The following PSMD14 variants were observed in gnomAD, a reference collection of about 807,000 sequenced individuals.
The protein encoded by PSMD14 is ubiquitin C-terminal hydrolase PSMD14.
PSMD14 carries 7 observed loss-of-function variants against 41.2 expected under a neutral mutation model. The ratio of observed to expected loss-of-function variants is 0.17; its 90% confidence interval spans 0.10 to 0.32. The LOEUF (loss-of-function observed/expected upper bound fraction) is 0.32, where lower values mean the gene tolerates loss of function less well. Ranked by LOEUF, PSMD14 falls within the 10% of genes least tolerant of loss-of-function variation. The pLI is 1.00. For missense variants in PSMD14, 139 were observed against 375.6 expected (o/e 0.37, Z 5.21); for synonymous variants, 114 against 122.3 (o/e 0.93, Z 0.45).
intron 3 of PSMD14, among the ~76,000 whole-genome samples, chr2:161,344,737 A>T (rs1313280254): frequency 6.6e-6 from 1 of 152,232 alleles, no homozygotes; most frequent in African/African-American, 2.4e-5. Context: ...CATTTAAAAA[A>T]TTAAGTTATT....
At chr2:161,332,903 T>A (rs1682816116) in intron 3 of PSMD14, among the ~76,000 whole-genome samples, 1 of 152,218 alleles carries the variant, frequency 6.6e-6, no homozygotes, top group South Asian at 2.1e-4. Flanking sequence ...TTATGGGCCA[T>A]GGAGCTGGCA....
intron 3 of PSMD14, among the ~76,000 whole-genome samples, chr2:161,354,844 A>G (rs1047128081): frequency 3.9e-5 from 6 of 152,058 alleles, no homozygotes; most frequent in African/African-American, 1.4e-4. Flanking sequence ...TAATGGTGTC[A>G]TTTCCCCCTC....
chr2:161,386,835 C>A (rs1325844106), intron 8 of PSMD14, among the ~76,000 whole-genome samples: 1 of 151,924 alleles, frequency 6.6e-6, no homozygotes, highest in Non-Finnish European at 1.5e-5. Flanking sequence ...TTACTAATTG[C>A]AAGTCACTCA....
At chr2:161,318,059 A>G (rs1689164338) in intron 2 of PSMD14, among the ~76,000 whole-genome samples, 1 of 152,170 alleles carries the variant, frequency 6.6e-6, no homozygotes, top group Non-Finnish European at 1.5e-5. Flanking sequence ...TAGTTACTCT[A>G]AACGTTAAAA....
chr2:161,330,595 G>T (rs1441337638), intron 3 of PSMD14, among the ~76,000 whole-genome samples: 1 of 152,060 alleles, frequency 6.6e-6, no homozygotes, highest in African/African-American at 2.4e-5. Flanking sequence ...ACCCAAGCAG[G>T]TAGGACTGAT....
chr2:161,395,115 G>A lies in PSMD14; in HGVS notation c.683G>A (p.Gly228Asp). The change falls in exon 10 of 12, where the codon GGT (glycine) becomes GAT (aspartate). Residue 228 changes from glycine (G) to aspartate (D), a missense_variant. Physicochemically the swap from Gly to Asp is moderately conservative, Grantham distance 94 (BLOSUM62 -1). Coordinates refer to ENST00000409682, the MANE Select transcript of PSMD14 (RefSeq NM_005805.6). ...TTGCATAAGAAGAGTTGGATGGAAGGTTTGACACTTCAGGACTACAGTGAA... is the reference window on the plus strand; with the variant it reads ...TTGCATAAGAAGAGTTGGATGGAAGATTTGACACTTCAGGACTACAGTGAA... Reference protein sequence around the residue: ...LNLHKKSWMEGLTLQDYSEHC... With the variant: ...LNLHKKSWMEDLTLQDYSEHC... 1 of 1,596,840 alleles carries A rather than the reference G, an allele frequency of 6.3e-7. No homozygotes were observed. Among genetic ancestry groups the A allele is most frequent in the Non-Finnish European group, 8.5e-7 (1 of 1,172,412 alleles).
intron 8 of PSMD14, among the ~76,000 whole-genome samples, chr2:161,389,288 T>G (rs1247008142): frequency 6.6e-6 from 1 of 152,168 alleles, no homozygotes; most frequent in Non-Finnish European, 1.5e-5. Context: ...TGTGCTTGGA[T>G]GAGGGAGCTT....
intron 3 of PSMD14, among the ~76,000 whole-genome samples, chr2:161,324,138 C>T (rs1682658179): frequency 6.6e-6 from 1 of 152,202 alleles, no homozygotes; most frequent in Non-Finnish European, 1.5e-5. Flanking sequence ...CATTTAGTAA[C>T]TTGTCTTCAG....
In PSMD14 at chr2:161,390,408, G is replaced by C. The variant is rs183884105; in HGVS notation, c.571-696G>C. Among the ~76,000 whole-genome samples, 49 of 152,264 alleles carry C rather than the reference G, an allele frequency of 3.2e-4. No individual in the cohort carries two copies. The East Asian group carries it at 9.3e-3, about 29-fold the overall frequency. ...CTCATTTGAACACTTGATGTTGTCA[G>C]AGTTAGATATGGGGGCAGTTGTGAA... On this transcript the variant is annotated intron_variant, in intron 8 of 11. Coordinates refer to ENST00000409682, the MANE Select transcript of PSMD14 (RefSeq NM_005805.6).
At chr2:161,316,782 T>TTTA in intron 2 of PSMD14, among the ~76,000 whole-genome samples, 1 of 152,216 alleles carries the variant, frequency 6.6e-6, no homozygotes, top group Non-Finnish European at 1.5e-5. Context: ...CTTAAAGTTT[T>TTTA]AATTTGTTAA....
At chr2:161,381,619 G>A (rs1368101368) in intron 7 of PSMD14, 1 of 151,756 alleles carries the variant, frequency 6.6e-6, no homozygotes, top group Non-Finnish European at 1.5e-5. Context: ...CCTAGCAGTT[G>A]ATATGAAAAC....
intron 1 of PSMD14, among the ~76,000 whole-genome samples, chr2:161,310,182 G>A (rs1454402065): frequency 6.6e-6 from 1 of 152,096 alleles, no homozygotes; most frequent in Non-Finnish European, 1.5e-5. Context: ...ATTTTAATCT[G>A]TTTGACATGG....
At chr2:161,315,347 A>C (rs1234777822) in intron 1 of PSMD14, among the ~76,000 whole-genome samples, 1 of 152,220 alleles carries the variant, frequency 6.6e-6, no homozygotes, top group Non-Finnish European at 1.5e-5. Flanking sequence ...TAGAGACTAG[A>C]GTGCTATAAT....
chr2:161,356,466 CTG>C (rs980523383), intron 3 of PSMD14, among the ~76,000 whole-genome samples: 2 of 151,868 alleles, frequency 1.3e-5, no homozygotes, highest in East Asian at 1.9e-4. Context: ...ATTGAGGAAA[CTG>C]AATGTAGTGG....
At chr2:161,376,433 A>G (rs1455988215) in intron 7 of PSMD14, among the ~76,000 whole-genome samples, 1 of 151,908 alleles carries the variant, frequency 6.6e-6, no homozygotes, top group Non-Finnish European at 1.5e-5. Context: ...AAGAACTAGA[A>G]TATTAAAAAA....
intron 9 of PSMD14, among the ~76,000 whole-genome samples, 152 bp downstream of exon 9, chr2:161,391,330 G>A (rs550481700): frequency 1.3e-5 from 2 of 152,132 alleles, no homozygotes; most frequent in East Asian, 3.9e-4. Flanking sequence ...ACAAAATAAG[G>A]GAATATTTTA....
intron 3 of PSMD14, among the ~76,000 whole-genome samples, chr2:161,337,929 C>G (rs187915155): frequency 1.3e-5 from 2 of 152,112 alleles, no homozygotes; most frequent in African/African-American, 4.8e-5. Context: ...TTAATTGTTA[C>G]AAGAATTATA....
chr2:161,372,238 TCA>T (rs1683445920), intron 7 of PSMD14, among the ~76,000 whole-genome samples: 1 of 152,118 alleles, frequency 6.6e-6, no homozygotes, highest in Non-Finnish European at 1.5e-5. Context: ...TAAAATAAAA[TCA>T]CAATATATTT....
At chr2:161,329,361 T>A (rs1210208365) in intron 3 of PSMD14, among the ~76,000 whole-genome samples, 1 of 152,162 alleles carries the variant, frequency 6.6e-6, no homozygotes, top group Non-Finnish European at 1.5e-5. Flanking sequence ...CAAGCTTTAA[T>A]TTTTGCTATA....
Sources: allele counts gnomAD v4.1 joint callset (sites outside exome capture counted in the v4.1 genomes callset), GRCh38; gene constraint gnomAD v4.1.1; transcripts MANE v1.5; gene names NCBI Gene and HGNC (gene_info 2026-07-23, HGNC 2026-07-21).